UGT1A8: variants seen among roughly 807,000 people sequenced by gnomAD.
UGT1A8 encodes UDP glucuronosyltransferase family 1 member A8.
Under a neutral mutation model 45.3 loss-of-function variants are expected in UGT1A8, and 39 were observed. The observed-to-expected ratio is 0.86, with a 90% CI of 0.67 to 1.12. The LOEUF is 1.12. Ranked by LOEUF, UGT1A8 falls within the 50% of genes most tolerant of loss-of-function variation. UGT1A8 has a pLI of 0.00. For missense variants in UGT1A8, 719 were observed against 664.9 expected, an observed-to-expected ratio of 1.08 and a Z score of -0.90; for synonymous variants, 275 against 249.2, an observed-to-expected ratio of 1.10 and a Z score of -0.97.
intron 4 of UGT1A8, chr2:233,770,359 G>A (rs1272591854): frequency 6.6e-6 from 1 of 152,118 alleles, no homozygotes; most frequent in Non-Finnish European, 1.5e-5. Context: ...TTGAATGAAT[G>A]AATGAAAGTT....
chr2:233,771,578 C>T (rs531656313), intron 4 of UGT1A8: 100 of 152,372 alleles, frequency 6.6e-4, no homozygotes, highest in African/African-American at 2.3e-3. Flanking sequence ...TGGTTGTTTA[C>T]AACTTCAAAT....
chr2:233,703,233 A>G (rs1316206698), intron 1 of UGT1A8, among the ~76,000 whole-genome samples: 2 of 152,204 alleles, frequency 1.3e-5, no homozygotes, highest in Admixed American at 1.3e-4. Flanking sequence ...TCCTTGGCAT[A>G]AAATGGCCCA....
chr2:233,702,373 G>A (rs905615069), intron 1 of UGT1A8, among the ~76,000 whole-genome samples: 3 of 151,954 alleles, frequency 2.0e-5, no homozygotes, highest in African/African-American at 7.3e-5. Context: ...GATTTCGTAG[G>A]ATTTTCTACA....
intron 1 of UGT1A8, among the ~76,000 whole-genome samples, chr2:233,726,156 G>T (rs1332003910): frequency 1.3e-5 from 2 of 152,114 alleles, no homozygotes; most frequent in Non-Finnish European, 2.9e-5. Flanking sequence ...ACAGAGTGAG[G>T]CCCCATTTCA....
intron 1 of UGT1A8, among the ~76,000 whole-genome samples, chr2:233,644,478 T>C (rs1302374517): frequency 1.3e-5 from 2 of 152,096 alleles, no homozygotes; most frequent in South Asian, 4.1e-4. Context: ...AGAGATTCGC[T>C]TGAACCTCGG....
chr2:233,636,722 A>G (rs780692126), intron 1 of UGT1A8: 70 of 1,614,072 alleles, frequency 4.3e-5, no homozygotes, highest in East Asian at 6.7e-5. Context: ...TGGCAACTGG[A>G]AAGATCACTG....
intron 1 of UGT1A8, among the ~76,000 whole-genome samples, chr2:233,760,000 T>C (rs1697300608): frequency 6.6e-6 from 1 of 152,218 alleles, no homozygotes; most frequent in Admixed American, 6.5e-5. Context: ...TCTGTGGAAA[T>C]ACTAATTTAA....
intron 1 of UGT1A8, among the ~76,000 whole-genome samples, chr2:233,642,546 C>T (rs531983104): frequency 1.3e-5 from 2 of 152,146 alleles, no homozygotes; most frequent in African/African-American, 2.4e-5. Context: ...TTGATGAGGT[C>T]ATGGTTTTCC....
chr2:233,681,530 C>CA (rs747693860), intron 1 of UGT1A8, among the ~76,000 whole-genome samples: 9,605 of 75,860 alleles, frequency 0.13, 659 homozygotes, highest in East Asian at 0.21. Context: ...GACTCCATCT[C>CA]AAAAAAAAAA....
At chr2:233,626,898 T>A (rs1418479818) in intron 1 of UGT1A8, among the ~76,000 whole-genome samples, 2 of 152,076 alleles carry the variant, frequency 1.3e-5, no homozygotes, top group Non-Finnish European at 2.9e-5. Flanking sequence ...TGGCAATGCA[T>A]TTTCTGCCTT....
At chr2:233,656,480 C>A (rs879655856) in intron 1 of UGT1A8, among the ~76,000 whole-genome samples, 3 of 152,168 alleles carry the variant, frequency 2.0e-5, no homozygotes, top group Non-Finnish European at 4.4e-5. Flanking sequence ...TTTCTCTAGA[C>A]CTGTGCTTAT....
At chr2:233,770,519 A>C (rs1327661350) in intron 4 of UGT1A8, 1 of 152,120 alleles carries the variant, frequency 6.6e-6, no homozygotes, top group South Asian at 2.1e-4. Context: ...TTACCCAGGC[A>C]TGGTGGTGTA....
intron 1 of UGT1A8, among the ~76,000 whole-genome samples, chr2:233,678,490 C>A (rs1006573343): frequency 1.4e-4 from 22 of 151,864 alleles, no homozygotes; most frequent in African/African-American, 2.4e-4. Flanking sequence ...CTTGGTGTAA[C>A]CTTATGGAAA....
intron 1 of UGT1A8, among the ~76,000 whole-genome samples, chr2:233,719,925 G>A (rs974352180): frequency 3.9e-5 from 6 of 152,132 alleles, no homozygotes; most frequent in Non-Finnish European, 8.8e-5. Flanking sequence ...TGTGACTCAC[G>A]GACAGTGTTT....
chr2:233,683,629 A>G (rs1418410501), intron 1 of UGT1A8, among the ~76,000 whole-genome samples: 1 of 152,134 alleles, frequency 6.6e-6, no homozygotes, highest in African/African-American at 2.4e-5. Context: ...TTATTTCCAT[A>G]AATAAAATTT....
chr2:233,645,681 A>G (rs966022315), intron 1 of UGT1A8, among the ~76,000 whole-genome samples: 3 of 152,236 alleles, frequency 2.0e-5, no homozygotes, highest in Non-Finnish European at 2.9e-5. Context: ...TCTCACATCC[A>G]GGTCTTGCTG....
At position 233,618,011 on chromosome 2, in the gene UGT1A8, G is replaced by C. The variant is rs752229813; in HGVS notation, c.304G>C (p.Val102Leu). The change falls in exon 1 of 5, where the codon GTA becomes CTA. Residue 102 changes from valine to leucine, a missense_variant. Val to Leu is a conservative substitution (Grantham distance 32). Coordinates refer to ENST00000373450, the MANE Select transcript of UGT1A8 (RefSeq NM_019076.5). Reference sequence around the variant, plus strand: ...CGCCGATGCTCAATGGAAAGCACAAGTACGAAGTTTGTTTTCTCTATTTCT... The same window carrying C: ...CGCCGATGCTCAATGGAAAGCACAACTACGAAGTTTGTTTTCTCTATTTCT... ...DFADAQWKAQ[V>L]RSLFSLFLSS... The C allele has an allele frequency of 6.2e-7, 1 of 1,614,172 alleles. No individual in the cohort carries two copies. The highest frequency in any genetic ancestry group is 8.5e-7 in the Non-Finnish European group (1 of 1,180,036).
chr2:233,632,465 G>A (rs151004021), intron 1 of UGT1A8, among the ~76,000 whole-genome samples: 4,584 of 152,258 alleles, frequency 0.03, 213 homozygotes, highest in African/African-American at 0.1. Flanking sequence ...TCCTATCCAT[G>A]AGCATGGAAT....
At chr2:233,743,209 T>C (rs879874451) in intron 1 of UGT1A8, 11 of 398,276 alleles carry the variant, frequency 2.8e-5, no homozygotes, top group Admixed American at 1.6e-4. Context: ...CAATGCGGAG[T>C]AACTGCTCTT....
Sources: allele counts gnomAD v4.1 joint callset (sites outside exome capture counted in the v4.1 genomes callset), GRCh38; gene constraint gnomAD v4.1.1; transcripts MANE v1.5; gene names NCBI Gene and HGNC (gene_info 2026-07-23, HGNC 2026-07-21).